PRPF6: variants seen among roughly 807,000 people sequenced by gnomAD.
The protein encoded by PRPF6 is pre-mRNA-processing factor 6.
In PRPF6, 42 loss-of-function variants were observed where a neutral mutation model predicts 118.3. The observed-to-expected ratio is 0.35, with a 90% CI of 0.28 to 0.46. The LOEUF is 0.46. Among genes scored for constraint, PRPF6 ranks in the 20% least tolerant of loss-of-function variants. The pLI is 1.00. For synonymous variants in PRPF6, 481 were observed against 485.1 expected (o/e 0.99, Z 0.11); for missense variants, 662 against 1,255.7 (o/e 0.53, Z 7.15).
chr20:64,010,139 C>T, intron 9 of PRPF6, 61 bp from the exon 10 acceptor site: 2 of 1,402,518 alleles, frequency 1.4e-6, no homozygotes, highest in South Asian at 1.2e-5. Context: ...ATGCTCACCA[C>T]ATGAGCCTCC....
At chr20:64,008,788 T>G (rs116492879) in intron 9 of PRPF6, among the ~76,000 whole-genome samples, 1,996 of 152,340 alleles carry the variant, frequency 0.013, 54 homozygotes, top group African/African-American at 0.043. Context: ...TCTCCAAAGG[T>G]GACTAATGGT....
intron 3 of PRPF6, among the ~76,000 whole-genome samples, chr20:63,988,045 C>A (rs188551598): frequency 4.0e-5 from 6 of 150,566 alleles, no homozygotes; most frequent in Admixed American, 3.3e-4. Flanking sequence ...AGTTGCCAGG[C>A]GCTGGGACTC....
At position 64,029,552 on chromosome 20, in the gene PRPF6, G is replaced by A. The variant is rs1380546795; in HGVS notation, c.2546+61G>A. On this transcript the variant is annotated intron_variant, in intron 19 of 20. Transcript: ENST00000266079. This position sits in a 1 kb window ranked among gnomAD's most constrained non-coding sequence, Gnocchi z 4.8. ...GGTCCTAATGGGCTCTTTTTCCAGA[G>A]TCTGTCTGCCTCTTCCTGGTCATTG... 4 of 1,390,386 alleles carry A rather than the reference G, an allele frequency of 2.9e-6. No individual in the cohort carries two copies. The highest frequency in any genetic ancestry group is 4.1e-6 in the Non-Finnish European group (4 of 979,306). 86.1% of individuals were successfully genotyped at this position (1,390,386 alleles called of 1,614,324 possible).
At chr20:64,017,587 G>A (rs935966219) in intron 12 of PRPF6, among the ~76,000 whole-genome samples, 7 of 150,052 alleles carry the variant, frequency 4.7e-5, no homozygotes, top group Admixed American at 1.3e-4. Flanking sequence ...GAGCTGCCGC[G>A]CCCGGCCTCC....
At chr20:63,994,158 C>CTTTTTTTTTTT (rs1158030989) in intron 4 of PRPF6, among the ~76,000 whole-genome samples, 1 of 138,374 alleles carries the variant, frequency 7.2e-6, no homozygotes. Flanking sequence ...TTTTCTTTTT[C>CTTTTTTTTTTT]TTTTTTTTTT....
At chr20:64,014,192 G>A (rs1158232959) in intron 11 of PRPF6, among the ~76,000 whole-genome samples, 5 of 151,804 alleles carry the variant, frequency 3.3e-5, no homozygotes, top group Admixed American at 2.6e-4. Flanking sequence ...CACCTGCCTC[G>A]GCCTCCCAGA....
rs1454323780 is a variant in PRPF6 at position 64,024,738 on chromosome 20, AG to A, written c.1908+46del. The A allele has an allele frequency of 3.1e-6, 5 of 1,599,760 alleles. No homozygotes were observed. In the African/African-American group the frequency reaches 6.7e-5, roughly 21 times the overall value. ...GTGGTGAGGGGCCTGTGCACACAGGAGCTGACCTGGGTGCTGACTGGGGCCT... is the reference window on the plus strand; with the variant it reads ...GTGGTGAGGGGCCTGTGCACACAGGACTGACCTGGGTGCTGACTGGGGCCT... On this transcript the variant is annotated intron_variant, in intron 14 of 20. Coordinates refer to ENST00000266079, the MANE Select transcript of PRPF6 (RefSeq NM_012469.4).
intron 6 of PRPF6, 46 bp from the exon 7 acceptor site, chr20:63,998,999 G>C (rs377451883): frequency 6.2e-5 from 91 of 1,474,002 alleles, no homozygotes; most frequent in Admixed American, 5.1e-5. Context: ...ACTTTGTTTT[G>C]CACCTGGTCA....
intron 8 of PRPF6, 28 bp from the exon 9 acceptor site, chr20:64,001,049 C>T (rs1365261467): frequency 6.2e-7 from 1 of 1,612,668 alleles, no homozygotes; most frequent in East Asian, 2.2e-5. Flanking sequence ...TGCACTGAGC[C>T]TTATTGGTCT....
intron 3 of PRPF6, among the ~76,000 whole-genome samples, chr20:63,987,818 G>A (rs1369518262): frequency 6.6e-6 from 1 of 151,908 alleles, no homozygotes; most frequent in African/African-American, 2.4e-5. Flanking sequence ...GAGGCTGAGG[G>A]TGGGTGGATC....
At chr20:63,999,376 TGTGTCCCAC>T (rs1484051645) in intron 7 of PRPF6, among the ~76,000 whole-genome samples, 3 of 152,260 alleles carry the variant, frequency 2.0e-5, no homozygotes, top group Admixed American at 1.3e-4. Context: ...AGCAGCTGGC[TGTGTCCCAC>T]ATGTCCCATC....
chr20:64,027,258 G>A lies in PRPF6; in HGVS notation c.2205+100G>A. 1.4e-6 allele frequency: 2 copies of A among 1,451,280 alleles called. No individual in the cohort carries two copies. Among genetic ancestry groups the A allele is most frequent in the African/African-American group, 1.4e-5 (1 of 71,330 alleles). The allele number at this position is 1,451,280 out of a possible 1,614,324, so 89.9% of individuals were successfully genotyped here. A position where few individuals can be genotyped will look rare whatever the true frequency, so the allele number is the denominator to read the frequency against. On this transcript the variant is annotated intron_variant, in intron 16 of 20. Transcript: ENST00000266079. The surrounding 1 kb of genome is among the most constrained non-coding windows in gnomAD (Gnocchi z 6.5). ...TTGCCCTTCGCCTCTGAGGAGATGTGGAGGGCTGGGGGTTACAGCTGATGG... is the reference window on the plus strand; with the variant it reads ...TTGCCCTTCGCCTCTGAGGAGATGTAGAGGGCTGGGGGTTACAGCTGATGG...
At chr20:63,989,443 GA>G (rs1403271121) in intron 3 of PRPF6, among the ~76,000 whole-genome samples, 1 of 151,814 alleles carries the variant, frequency 6.6e-6, no homozygotes, top group Non-Finnish European at 1.5e-5. Flanking sequence ...TCTCAAAAAG[GA>G]AAAAAATAAA....
chr20:64,025,809 T>C, intron 14 of PRPF6, 130 bp from the exon 15 acceptor site: 1 of 1,546,408 alleles, frequency 6.5e-7, no homozygotes, highest in Non-Finnish European at 8.9e-7. Flanking sequence ...TGGGAAGGGC[T>C]TGGACCAGAC....
At chr20:64,003,036 C>T (rs1293463938) in intron 9 of PRPF6, among the ~76,000 whole-genome samples, 1 of 151,992 alleles carries the variant, frequency 6.6e-6, no homozygotes, top group Non-Finnish European at 1.5e-5. Context: ...CCACCACCTC[C>T]CAGGCTCAGG....
chr20:63,997,483 G>T (rs1374818503), intron 6 of PRPF6, among the ~76,000 whole-genome samples: 6 of 148,648 alleles, frequency 4.0e-5, no homozygotes, highest in African/African-American at 1.5e-4. Context: ...TTGAGACGGA[G>T]CCTGGCACCG....
intron 9 of PRPF6, among the ~76,000 whole-genome samples, chr20:64,004,035 T>C (rs1485775633): frequency 2.6e-5 from 4 of 152,228 alleles, no homozygotes; most frequent in African/African-American, 9.6e-5. Context: ...GGGTAATTAG[T>C]ATTGTTTACT....
Position 64,007,232 on chromosome 20 carries a change from G to A in PRPF6, c.1187-2968G>A, listed in dbSNP as rs543475613. ...TGGTCTGTCAGTAACACCTGGAGTG[G>A]GCAGCAGGTTGCTCAGTCATTTTAT... On this transcript the variant is annotated intron_variant, in intron 9 of 20. Coordinates refer to ENST00000266079, the MANE Select transcript of PRPF6 (RefSeq NM_012469.4). Among the ~76,000 whole-genome samples, 4 of 152,296 alleles carry A rather than the reference G, an allele frequency of 2.6e-5. No individual in the cohort carries two copies. In the South Asian group the frequency reaches 8.3e-4, roughly 32 times the overall value.
At chr20:64,009,731 A>G (rs559685142) in intron 9 of PRPF6, among the ~76,000 whole-genome samples, 1 of 152,276 alleles carries the variant, frequency 6.6e-6, no homozygotes, top group South Asian at 2.1e-4. Flanking sequence ...CAAAACAAAA[A>G]CAAAAACATT....
Sources: allele counts gnomAD v4.1 joint callset (sites outside exome capture counted in the v4.1 genomes callset), GRCh38; gene constraint gnomAD v4.1.1; non-coding constraint Gnocchi (gnomAD v3.1); transcripts MANE v1.5; gene names NCBI Gene and HGNC (gene_info 2026-07-23, HGNC 2026-07-21).